Variants in DYNC1H1 observed in about 807,000 individuals in gnomAD.
The protein encoded by DYNC1H1 is dynein cytoplasmic 1 heavy chain 1, also known as cytoplasmic dynein 1 heavy chain 1.
DYNC1H1 carries 51 observed loss-of-function variants against 527.1 expected under a neutral mutation model. That is an observed-to-expected ratio of 0.10 (90% CI 0.08 to 0.12). DYNC1H1 has a LOEUF of 0.12. Ranked by LOEUF, DYNC1H1 falls within the 10% of genes least tolerant of loss-of-function variation. The pLI is 1.00. For missense variants in DYNC1H1, 2,771 were observed against 5,971.8 expected (o/e 0.46, Z 17.66); for synonymous variants, 2,189 against 2,278.8 (o/e 0.96, Z 1.12).
In DYNC1H1 at chr14:102,016,121, A is replaced by G. The variant is rs771071682; in HGVS notation, c.7473+35A>G. 3.2e-6 allele frequency: 5 copies of G among 1,570,482 alleles called. No homozygotes were observed. Among genetic ancestry groups the G allele is most frequent in the Non-Finnish European group, 3.5e-6 (4 of 1,158,280 alleles). ...CATCAGGGGCTTCACAGAGCTCACCACTGCGCCAGACCACAGGTCTGAGGA... is the reference window on the plus strand; with the variant it reads ...CATCAGGGGCTTCACAGAGCTCACCGCTGCGCCAGACCACAGGTCTGAGGA... On this transcript the variant is annotated intron_variant, in intron 36 of 77. Transcript: ENST00000360184. This position sits in a 1 kb window ranked among gnomAD's most constrained non-coding sequence, Gnocchi z 7.3.
chr14:102,027,604 T>G lies in DYNC1H1; in HGVS notation c.9049-15T>G. 5 of 1,614,158 alleles carry G rather than the reference T, an allele frequency of 3.1e-6. No homozygotes were observed. The highest frequency in any genetic ancestry group is 4.2e-6 in the Non-Finnish European group (5 of 1,180,004). On this transcript the variant is annotated splice_polypyrimidine_tract_variant and intron_variant, in intron 46 of 77. Coordinates refer to ENST00000360184, the MANE Select transcript of DYNC1H1 (RefSeq NM_001376.5). The surrounding 1 kb of genome is among the most constrained non-coding windows in gnomAD (Gnocchi z 7.7). ...TACCGGGGGACCAGTAAGTCAGCAC[T>G]GTGCTGTTTCCCAGGTGCCTGGTCT...
At chr14:101,992,855 G>A (rs1397629720) in intron 11 of DYNC1H1, among the ~76,000 whole-genome samples, 1 of 152,076 alleles carries the variant, frequency 6.6e-6, no homozygotes, top group Admixed American at 6.6e-5. Context: ...TCAGTGGCTG[G>A]TCTCCTTTCT....
chr14:102,027,855 T>A lies in DYNC1H1; in HGVS notation c.9263+22T>A, dbSNP rs779043326. ...ACAGGTACGTGGGCCTTTACTTGGC[T>A]CTGGGTCAGGAAAGTCGGTGTCCTT... On this transcript the variant is annotated intron_variant, in intron 47 of 77. Coordinates refer to ENST00000360184, the MANE Select transcript of DYNC1H1 (RefSeq NM_001376.5). The surrounding 1 kb of genome is among the most constrained non-coding windows in gnomAD (Gnocchi z 7.7). The A allele has an allele frequency of 6.2e-6, 10 of 1,614,110 alleles. No homozygotes were observed. Among genetic ancestry groups the A allele is most frequent in the Non-Finnish European group, 7.6e-6 (9 of 1,180,048 alleles).
At chr14:101,993,537 G>A (rs1047608075) in intron 11 of DYNC1H1, among the ~76,000 whole-genome samples, 1 of 152,068 alleles carries the variant, frequency 6.6e-6, no homozygotes, top group Non-Finnish European at 1.5e-5. Context: ...CCATCACACT[G>A]GAGTCTTGCT....
intron 1 of DYNC1H1, among the ~76,000 whole-genome samples, chr14:101,971,774 T>A (rs556270858): frequency 9.8e-5 from 15 of 152,354 alleles, no homozygotes; most frequent in African/African-American, 3.6e-4. Context: ...AGTTTAATGA[T>A]ACAAATTACT....
Position 101,983,879 on chromosome 14 carries a change from A to G in DYNC1H1, c.1461+270A>G, listed in dbSNP as rs2047897156. 6.6e-6 allele frequency among the ~76,000 whole-genome samples: 1 copy of G among 151,846 alleles called. No homozygotes were observed. The highest frequency in any genetic ancestry group is 1.5e-5 in the Non-Finnish European group (1 of 67,978). ...TTTTGAGTAGAGACAGGCTTTTACC[A>G]TGTTGGCCAGGCTGGTTTTGAACTG... On this transcript the variant is annotated intron_variant, in intron 7 of 77. Transcript: ENST00000360184. The surrounding 1 kb of genome is among the most constrained non-coding windows in gnomAD (Gnocchi z 5.3).
At chr14:102,030,102 G>T in intron 50 of DYNC1H1, 60 bp from the exon 51 acceptor site, 1 of 1,613,138 alleles carries the variant, frequency 6.2e-7, no homozygotes, top group South Asian at 1.1e-5. Context: ...ATGTTGTTTA[G>T]AATTTAGTCA....
chr14:102,030,532 T>C, intron 51 of DYNC1H1: 1 of 499,658 alleles, frequency 2.0e-6, no homozygotes, highest in Non-Finnish European at 3.6e-6. Flanking sequence ...AACTTCACAA[T>C]ATAAGCTTTG....
At chr14:102,014,711 A>G (rs1489533468) in intron 34 of DYNC1H1, among the ~76,000 whole-genome samples, 3 of 152,146 alleles carry the variant, frequency 2.0e-5, no homozygotes, top group Non-Finnish European at 4.4e-5. Flanking sequence ...GGTTTGCCCT[A>G]TTCTTCTCCC....
intron 77 of DYNC1H1, 50 bp from the exon 78 acceptor site, chr14:102,050,385 G>A: frequency 6.2e-7 from 1 of 1,614,110 alleles, no homozygotes; most frequent in South Asian, 1.1e-5. Flanking sequence ...CAGTCTTCCA[G>A]TTTTCTTACT....
At position 102,000,357 on chromosome 14, in the gene DYNC1H1, T is replaced by A. The variant is rs767404799; in HGVS notation, c.4032T>A (p.Asp1344Glu). 3 of 1,614,122 alleles carry A rather than the reference T, an allele frequency of 1.9e-6. No individual in the cohort carries two copies. Among genetic ancestry groups the A allele is most frequent in the Non-Finnish European group, 2.5e-6 (3 of 1,180,024 alleles). The change falls in exon 18 of 78, where the codon GAT (aspartate) becomes GAA (glutamate). Residue 1344 changes from aspartate to glutamate, a missense_variant. Asp to Glu is a conservative substitution (Grantham distance 45, BLOSUM62 2). Transcript: ENST00000360184. The stretch of plus-strand genomic sequence containing the variant: ...TTTCTAAGGTTTGGGAGCAAATCGA[T>A]CAGATGAAGGAGCAACCCTGGGTTT... ...SELSKVWEQIDQMKEQPWVSV... is the reference protein window; with the variant it reads ...SELSKVWEQIEQMKEQPWVSV...
rs1286658037 is a variant in DYNC1H1 at position 102,036,706 on chromosome 14, G to A, written c.10908+64G>A. On this transcript the variant is annotated intron_variant, in intron 57 of 77. Coordinates refer to ENST00000360184, the MANE Select transcript of DYNC1H1 (RefSeq NM_001376.5). The surrounding 1 kb of genome is among the most constrained non-coding windows in gnomAD (Gnocchi z 5.6). ...AAGAGTGAATTCCTTTTTGGGGGCTGCCTTTAGTTTTCAACTTTGTAAGAC... is the reference window on the plus strand; with the variant it reads ...AAGAGTGAATTCCTTTTTGGGGGCTACCTTTAGTTTTCAACTTTGTAAGAC... The A allele has an allele frequency of 4.4e-6, 7 of 1,604,240 alleles. No homozygotes were observed. The highest frequency in any genetic ancestry group is 6.0e-6 in the Non-Finnish European group (7 of 1,172,836).
Position 102,029,780 on chromosome 14 carries a change from G to T in DYNC1H1, c.9643-39G>T. 1 of 1,614,196 alleles carries T rather than the reference G, an allele frequency of 6.2e-7. No individual in the cohort carries two copies. Reference sequence around the variant, plus strand: ...GAGGACCCCTTTCCATATAATTTCTGCATGTTTCTCGTCTCTGAGTGTGGG... The same window carrying T: ...GAGGACCCCTTTCCATATAATTTCTTCATGTTTCTCGTCTCTGAGTGTGGG... On this transcript the variant is annotated intron_variant, in intron 49 of 77. Transcript: ENST00000360184. The surrounding 1 kb of genome is among the most constrained non-coding windows in gnomAD (Gnocchi z 5.3).
rs114021657 is a variant in DYNC1H1 at position 101,988,705 on chromosome 14, T to C, written c.2721T>C (p.Ile907=). ...PIWVNKLDME[I]ERILGVRLQA... The stretch of plus-strand genomic sequence containing the variant: ...CTCTGATATAACGTTGTCTGTAGAT[T>C]GAAAGAATATTGGGCGTCCGTCTGC... Residue 907 remains isoleucine (I), a splice_region_variant and synonymous_variant, in exon 10 of 78, where the codon ATT becomes ATC. Transcript: ENST00000360184. 1,463 of 1,614,164 alleles carry C rather than the reference T, an allele frequency of 9.1e-4. 15 individuals carry two copies. In the African/African-American group the frequency reaches 0.017, roughly 19 times the overall value.
rs76810774 is a variant in DYNC1H1, at chr14:102,043,848, T to G, written c.12514-27T>G. On this transcript the variant is annotated intron_variant, in intron 69 of 77. Coordinates refer to ENST00000360184, the MANE Select transcript of DYNC1H1 (RefSeq NM_001376.5). Reference sequence around the variant, plus strand: ...TGGCGAAGTGCTGTTTTCTAATGACTCTGTGCTTGGTCACTTTCCTCACCA... The same window carrying G: ...TGGCGAAGTGCTGTTTTCTAATGACGCTGTGCTTGGTCACTTTCCTCACCA... 7.7e-4 allele frequency: 1,236 copies of G among 1,614,160 alleles called. 9 individuals are homozygous for G. The African/African-American group carries it at 0.015, about 19-fold the overall frequency.
At chr14:102,000,563 AT>A in intron 18 of DYNC1H1, 164 bp downstream of exon 18, 3 of 579,976 alleles carry the variant, frequency 5.2e-6, no homozygotes. Context: ...TGTAAAACTT[AT>A]TTTGAAACCT....
chr14:102,003,072 C>G (rs2048149972), intron 23 of DYNC1H1, 107 bp downstream of exon 23: 1 of 1,471,606 alleles, frequency 6.8e-7, no homozygotes, highest in African/African-American at 1.4e-5. Context: ...GTTTTGACAT[C>G]AAGGATTTTG....
rs199534174 is a variant in DYNC1H1 at position 101,980,441 on chromosome 14, G to T, written c.852G>T (p.Ala284=). 6.2e-7 allele frequency: 1 copy of T among 1,614,190 alleles called. No homozygotes were observed. The highest frequency in any genetic ancestry group is 8.5e-7 in the Non-Finnish European group (1 of 1,180,052). ...EISFWLNLER[A]LYRIQEKRES... is the part of the protein sequence containing the mutation. ...GTTTTTGGCTAAACTTGGAACGTGCGTTATACCGCATCCAGGAGAAACGGG... is the reference window on the plus strand; with the variant it reads ...GTTTTTGGCTAAACTTGGAACGTGCTTTATACCGCATCCAGGAGAAACGGG... Residue 284 remains alanine, a synonymous_variant, in exon 5 of 78, where the codon GCG becomes GCT. Coordinates refer to ENST00000360184, the MANE Select transcript of DYNC1H1 (RefSeq NM_001376.5).
rs1409338593 is a variant in DYNC1H1, at chr14:102,028,486, G to A, written c.9468+345G>A. On this transcript the variant is annotated intron_variant, in intron 48 of 77. Transcript: ENST00000360184. ...GCTGAGATCACGGCACTGCAATCCA[G>A]CCTGGGCAACAGAGCAAGACCCAGA... is the stretch of plus-strand genomic sequence containing the variant. The A allele has an allele frequency of 2.8e-5, 10 of 357,692 alleles. No individual in the cohort carries two copies. In the East Asian group the frequency reaches 7.1e-4, roughly 26 times the overall value. 22.2% of individuals were successfully genotyped at this position (357,692 alleles called of 1,614,324 possible).
Sources: allele counts gnomAD v4.1 joint callset (sites outside exome capture counted in the v4.1 genomes callset), GRCh38; gene constraint gnomAD v4.1.1; non-coding constraint Gnocchi (gnomAD v3.1); transcripts MANE v1.5; gene names NCBI Gene and HGNC (gene_info 2026-07-23, HGNC 2026-07-21).